Variants in ZNF678 observed in about 807,000 individuals in gnomAD.
ZNF678 encodes the protein hypothetical protein MGC42493.
In ZNF678, 5 loss-of-function variants were observed where a neutral mutation model predicts 3.0. The ratio of observed to expected loss-of-function variants is 1.69; its 90% CI spans 0.88 to 3.56. ZNF678 has a LOEUF of 3.56. Ranked by LOEUF, ZNF678 falls within the 30% of genes most tolerant of loss-of-function variation. ZNF678 has a pLI of 0.00. For synonymous variants in ZNF678, 218 were observed against 199.6 expected (o/e 1.09, Z -0.78); for missense variants, 593 against 605.0 (o/e 0.98, Z 0.21).
chr1:227,613,645 T>C (rs1208199455), intron 1 of ZNF678, among the ~76,000 whole-genome samples: 3 of 152,210 alleles, frequency 2.0e-5, no homozygotes, highest in African/African-American at 7.2e-5. Context: ...CAAACAGATA[T>C]ACCCCACCCT....
At chr1:227,637,841 G>A (rs768797453) in intron 1 of ZNF678, among the ~76,000 whole-genome samples, 16 of 152,320 alleles carry the variant, frequency 1.1e-4, no homozygotes, top group Middle Eastern at 3.4e-3. Flanking sequence ...GAGGAGGGAT[G>A]TGCGGTCAGT....
At chr1:227,650,275 A>G (rs1267040659) in intron 2 of ZNF678, among the ~76,000 whole-genome samples, 1 of 152,174 alleles carries the variant, frequency 6.6e-6, no homozygotes, top group Non-Finnish European at 1.5e-5. Flanking sequence ...TCTTTTGTGC[A>G]TTGTGTATTC....
At chr1:227,572,612 G>C (rs1405055085) in intron 1 of ZNF678, among the ~76,000 whole-genome samples, 2 of 152,216 alleles carry the variant, frequency 1.3e-5, no homozygotes, top group African/African-American at 4.8e-5. Context: ...ACCCAGGGGT[G>C]TCTCCCATAA....
chr1:227,628,789 A>G (rs769530274), intron 1 of ZNF678, among the ~76,000 whole-genome samples: 4 of 152,246 alleles, frequency 2.6e-5, no homozygotes, highest in Admixed American at 1.3e-4. Flanking sequence ...GTGTCCAAGT[A>G]TGAGAACTGG....
chr1:227,622,254 A>T (rs1250051207), intron 1 of ZNF678, among the ~76,000 whole-genome samples: 1 of 152,192 alleles, frequency 6.6e-6, no homozygotes, highest in East Asian at 1.9e-4. Flanking sequence ...CTTTCTTCTG[A>T]CTTTATAGGC....
chr1:227,663,237 A>G (rs1439856085), downstream of ZNF678, among the ~76,000 whole-genome samples: 2 of 152,224 alleles, frequency 1.3e-5, no homozygotes, highest in Non-Finnish European at 2.9e-5. Flanking sequence ...CTGTATTATG[A>G]CAGCGTAGCA....
chr1:227,605,877 A>G (rs1268437247), intron 1 of ZNF678, among the ~76,000 whole-genome samples: 1 of 152,252 alleles, frequency 6.6e-6, no homozygotes, highest in Non-Finnish European at 1.5e-5. Context: ...AAATTGGGGA[A>G]ACTTGTGGAA....
intron 1 of ZNF678, among the ~76,000 whole-genome samples, chr1:227,582,768 A>C (rs1018345794): frequency 6.6e-6 from 1 of 152,202 alleles, no homozygotes; most frequent in African/African-American, 2.4e-5. Context: ...GCCTGAGATA[A>C]GAATCAAGAT....
At chr1:227,643,518 C>T (rs555196903) in intron 1 of ZNF678, among the ~76,000 whole-genome samples, 3 of 152,106 alleles carry the variant, frequency 2.0e-5, no homozygotes, top group Non-Finnish European at 2.9e-5. Context: ...TTTCCCCTCA[C>T]GCAACTGATT....
chr1:227,624,819 T>C (rs1178993992), intron 1 of ZNF678, among the ~76,000 whole-genome samples: 1 of 152,138 alleles, frequency 6.6e-6, no homozygotes, highest in East Asian at 1.9e-4. Flanking sequence ...GGATCAGAAG[T>C]GCAGCAGACA....
chr1:227,577,416 C>T (rs1178486241), intron 1 of ZNF678, among the ~76,000 whole-genome samples: 1 of 152,156 alleles, frequency 6.6e-6, no homozygotes, highest in Non-Finnish European at 1.5e-5. Flanking sequence ...AATCTGTGTG[C>T]TTCTGTGCTG....
intron 1 of ZNF678, among the ~76,000 whole-genome samples, chr1:227,632,738 A>C (rs1558149503): frequency 1.3e-5 from 2 of 152,322 alleles, no homozygotes; most frequent in East Asian, 3.9e-4. Flanking sequence ...AGGACAGAAT[A>C]GCAAGCGAAA....
intron 1 of ZNF678, among the ~76,000 whole-genome samples, chr1:227,610,810 G>T (rs1657998931): frequency 6.6e-6 from 1 of 152,120 alleles, no homozygotes; most frequent in Non-Finnish European, 1.5e-5. Flanking sequence ...GCATAGAAGG[G>T]ATTCATCCTG....
Position 227,661,820 on chromosome 1 carries a change from A to C in ZNF678, c.*5992A>C, listed in dbSNP as rs1469262305. The C allele has an allele frequency of 6.6e-6, 1 of 152,356 alleles. No individual in the cohort carries two copies. Among genetic ancestry groups the C allele is most frequent in the East Asian group, 1.9e-4 (1 of 5,190 alleles). 9.4% of individuals were successfully genotyped at this position (152,356 alleles called of 1,614,324 possible). A position where few individuals can be genotyped will look rare whatever the true frequency, so the allele number is the denominator to read the frequency against. On this transcript the variant is annotated 3_prime_UTR_variant, in exon 4 of 4. Coordinates refer to ENST00000343776, the MANE Select transcript of ZNF678 (RefSeq NM_001367909.1). The stretch of plus-strand genomic sequence containing the variant: ...GCCTAGGAAAATGGTGAAGGAAAAG[A>C]TGGTCCCAGCCTGCAAAGCTGAAGT...
At chr1:227,576,841 A>G (rs972931150) in intron 1 of ZNF678, among the ~76,000 whole-genome samples, 2 of 151,748 alleles carry the variant, frequency 1.3e-5, no homozygotes, top group Admixed American at 6.6e-5. Context: ...TTAATTTGAG[A>G]TCTTTCTAAC....
At chr1:227,588,527 G>T (rs1290226099) in intron 1 of ZNF678, among the ~76,000 whole-genome samples, 9 of 141,832 alleles carry the variant, frequency 6.3e-5, no homozygotes, top group Non-Finnish European at 9.1e-5. Flanking sequence ...TGGAAACACA[G>T]TCTCACTCTG....
intron 1 of ZNF678, among the ~76,000 whole-genome samples, chr1:227,574,456 G>T (rs1395344122): frequency 2.0e-5 from 3 of 152,220 alleles, no homozygotes; most frequent in South Asian, 4.1e-4. Context: ...ATTTTTGGTT[G>T]CATGGATGTT....
intron 1 of ZNF678, among the ~76,000 whole-genome samples, chr1:227,568,031 A>G (rs1656740257): frequency 6.6e-6 from 1 of 152,130 alleles, no homozygotes; most frequent in Non-Finnish European, 1.5e-5. Flanking sequence ...AGAATGTTTC[A>G]CCCTGAGGTC....
intron 5 of ZNF678, among the ~76,000 whole-genome samples, chr1:227,676,040 ACTGGAAATAAT>A (rs1303938774): frequency 6.6e-6 from 1 of 152,204 alleles, no homozygotes; most frequent in Non-Finnish European, 1.5e-5. Flanking sequence ...GAAATTGGAG[ACTGGAAATAAT>A]CTATCTTTGA....
Sources: allele counts gnomAD v4.1 joint callset (sites outside exome capture counted in the v4.1 genomes callset), GRCh38; gene constraint gnomAD v4.1.1; transcripts MANE v1.5; gene names NCBI Gene and HGNC (gene_info 2026-07-23, HGNC 2026-07-21).